Variants in PPP1R12B observed in about 807,000 individuals in gnomAD.
The protein encoded by PPP1R12B is protein phosphatase 1 regulatory subunit 12B.
PPP1R12B carries 76 observed loss-of-function variants against 126.1 expected under a neutral mutation model. That is an observed-to-expected ratio of 0.60 (90% CI 0.50 to 0.73). The LOEUF (loss-of-function observed/expected upper bound fraction) is 0.73. Ranked by LOEUF, PPP1R12B falls within the 30% of genes least tolerant of loss-of-function variation. PPP1R12B has a pLI of 0.00. For missense variants in PPP1R12B, 1,052 were observed against 1,205.1 expected (o/e 0.87, Z 1.88); for synonymous variants, 356 against 434.7 (o/e 0.82, Z 2.25).
chr1:202,442,244 T>C (rs1231190464), intron 11 of PPP1R12B, among the ~76,000 whole-genome samples: 1 of 152,210 alleles, frequency 6.6e-6, no homozygotes, highest in African/African-American at 2.4e-5. Context: ...TTGAAATTAA[T>C]TGGTTCAAAG....
At chr1:202,522,088 A>G (rs548861427) in intron 18 of PPP1R12B, among the ~76,000 whole-genome samples, 1 of 152,216 alleles carries the variant, frequency 6.6e-6, no homozygotes, top group Non-Finnish European at 1.5e-5. Flanking sequence ...TTCCAGTTTC[A>G]TACAGTGGTT....
At chr1:202,483,892 G>A (rs1421880710) in intron 13 of PPP1R12B, among the ~76,000 whole-genome samples, 2 of 152,088 alleles carry the variant, frequency 1.3e-5, no homozygotes, top group Admixed American at 6.5e-5. Context: ...TTCTTTTACA[G>A]TTTTTGACTT....
At chr1:202,536,581 T>C (rs1338035363) in intron 18 of PPP1R12B, among the ~76,000 whole-genome samples, 2 of 152,246 alleles carry the variant, frequency 1.3e-5, no homozygotes, top group Non-Finnish European at 2.9e-5. Context: ...GCACTTAGGC[T>C]ACACTAAAGT....
chr1:202,438,388 C>G (rs977370785), intron 10 of PPP1R12B: 3 of 670,792 alleles, frequency 4.5e-6, no homozygotes, highest in Non-Finnish European at 7.2e-6. Flanking sequence ...TCCCGTCCCC[C>G]CAGCGGCATG....
intron 23 of PPP1R12B, chr1:202,574,922 GTC>G: frequency 7.6e-7 from 1 of 1,316,492 alleles, no homozygotes; most frequent in Non-Finnish European, 1.0e-6. Flanking sequence ...TGATTTCTTT[GTC>G]CTACTTTTCT....
Position 202,587,624 on chromosome 1 carries a change from C to CTGAT in PPP1R12B, c.*7065_*7068dup, listed in dbSNP as rs1413670646. 6.6e-6 allele frequency: 1 copy of CTGAT among 152,238 alleles called. No individual in the cohort carries two copies. The highest frequency in any genetic ancestry group is 2.4e-5 in the African/African-American group (1 of 41,442). The allele number at this position is 152,238 out of a possible 1,614,324, so 9.4% of individuals were successfully genotyped here. A position where few individuals can be genotyped will look rare whatever the true frequency, so the allele number is the denominator to read the frequency against. The stretch of plus-strand genomic sequence containing the variant: ...AGAGCAAGGATTCAGGAAAGGCACA[C>CTGAT]TGATGGTGGGGAGCCTCTTAAGAGC... On this transcript the variant is annotated 3_prime_UTR_variant, in exon 24 of 24. Coordinates refer to ENST00000608999, the MANE Select transcript of PPP1R12B (RefSeq NM_002481.4).
At chr1:202,533,790 C>T (rs557780098) in intron 18 of PPP1R12B, among the ~76,000 whole-genome samples, 7 of 152,288 alleles carry the variant, frequency 4.6e-5, no homozygotes, top group African/African-American at 1.7e-4. Context: ...TACTAGTGGT[C>T]TTGTCTTTGA....
chr1:202,387,219 G>A (rs2696957), intron 1 of PPP1R12B, among the ~76,000 whole-genome samples: 137,018 of 152,220 alleles, frequency 0.9, 63,053 homozygotes, highest in East Asian at 1. Context: ...TCAGCCTTAA[G>A]TTGGCATACT....
At chr1:202,457,589 C>A (rs1413554675) in intron 13 of PPP1R12B, among the ~76,000 whole-genome samples, 1 of 150,572 alleles carries the variant, frequency 6.6e-6, no homozygotes, top group Non-Finnish European at 1.5e-5. Flanking sequence ...AACATTTTTT[C>A]TACCCTTGAG....
At chr1:202,526,285 G>C (rs749186764) in intron 18 of PPP1R12B, among the ~76,000 whole-genome samples, 1 of 152,218 alleles carries the variant, frequency 6.6e-6, no homozygotes, top group Non-Finnish European at 1.5e-5. Flanking sequence ...AGCAAGACCA[G>C]CAGCCAAGAA....
At chr1:202,559,487 T>C (rs1195116323) in intron 19 of PPP1R12B, among the ~76,000 whole-genome samples, 2 of 152,166 alleles carry the variant, frequency 1.3e-5, no homozygotes, top group East Asian at 1.9e-4. Context: ...GATATCAAAA[T>C]TGGGGGAATG....
intron 1 of PPP1R12B, among the ~76,000 whole-genome samples, chr1:202,375,622 G>A (rs572201662): frequency 1.3e-5 from 2 of 152,288 alleles, no homozygotes; most frequent in South Asian, 4.1e-4. Context: ...GTTGTGCAGT[G>A]GTGTAATCAT....
At chr1:202,480,584 C>T (rs1011648907) in intron 13 of PPP1R12B, among the ~76,000 whole-genome samples, 3 of 152,172 alleles carry the variant, frequency 2.0e-5, no homozygotes, top group Non-Finnish European at 2.9e-5. Context: ...TTTAAACTTT[C>T]AAGCAGAAAT....
chr1:202,531,118 CAGAAGA>C (rs753560670), intron 18 of PPP1R12B, among the ~76,000 whole-genome samples: 1 of 152,126 alleles, frequency 6.6e-6, no homozygotes, highest in African/African-American at 2.4e-5. Context: ...ATGGAAAAAT[CAGAAGA>C]AGAAGAAGTG....
At chr1:202,365,437 A>G (rs1659047606) in intron 1 of PPP1R12B, among the ~76,000 whole-genome samples, 1 of 147,498 alleles carries the variant, frequency 6.8e-6, no homozygotes, top group African/African-American at 2.5e-5. Flanking sequence ...TCTAAAAAAG[A>G]AAAAAAAAAA....
intron 23 of PPP1R12B, chr1:202,575,472 T>G: frequency 4.8e-6 from 1 of 209,992 alleles, no homozygotes. Context: ...TATGTGCATA[T>G]ACCTGTGTAC....
At position 202,588,912 on chromosome 1, in the gene PPP1R12B, G is replaced by A. The variant is rs1290053730; in HGVS notation, c.*8352G>A. 1.3e-5 allele frequency: 2 copies of A among 152,034 alleles called. No homozygotes were observed. The highest frequency in any genetic ancestry group is 2.9e-5 in the Non-Finnish European group (2 of 68,006). The allele number at this position is 152,034 out of a possible 1,614,324, so 9.4% of individuals were successfully genotyped here. On this transcript the variant is annotated 3_prime_UTR_variant, in exon 24 of 24. Coordinates refer to ENST00000608999, the MANE Select transcript of PPP1R12B (RefSeq NM_002481.4). ...CTTCAAGTAACCAAGAGTATATACG[G>A]TTATTTCTTGGAAGACACCAGGTTT...
chr1:202,422,430 A>G (rs1668924745), intron 2 of PPP1R12B, among the ~76,000 whole-genome samples, 190 bp from the exon 3 acceptor site: 1 of 152,232 alleles, frequency 6.6e-6, no homozygotes, highest in Admixed American at 6.5e-5. Context: ...TGCTCTAGTC[A>G]GGAAATGGGG....
intron 18 of PPP1R12B, among the ~76,000 whole-genome samples, chr1:202,529,434 A>G (rs1683703890): frequency 6.6e-6 from 1 of 152,180 alleles, no homozygotes; most frequent in African/African-American, 2.4e-5. Flanking sequence ...AAATATTTAA[A>G]TTTCTAGATG....
Sources: gnomAD v4.1 joint callset for allele counts (sites outside exome capture counted in the v4.1 genomes callset) on GRCh38, gnomAD v4.1.1 for gene constraint, MANE v1.5 for transcripts, NCBI Gene and HGNC (gene_info 2026-07-23, HGNC 2026-07-21) for gene names.